The following DGKH variants were observed in gnomAD, a reference collection of about 807,000 sequenced individuals.
The protein encoded by DGKH is DAG kinase eta.
DGKH carries 90 observed loss-of-function variants against 159.3 expected under a neutral mutation model. The observed-to-expected ratio is 0.57, with a 90% CI of 0.48 to 0.67. The LOEUF (loss-of-function observed/expected upper bound fraction) is 0.67, where lower values mean the gene tolerates loss of function less well. Among genes scored for constraint, DGKH ranks in the 30% least tolerant of loss-of-function variants. The pLI is 0.00. For synonymous variants in DGKH, 536 were observed against 553.8 expected (o/e 0.97, Z 0.45); for missense variants, 1,181 against 1,506.1 (o/e 0.78, Z 3.57).
At chr13:42,208,807 AT>A (rs375455321) in intron 21 of DGKH, 151 bp from the exon 22 acceptor site, 113 of 254,390 alleles carry the variant, frequency 4.4e-4, no homozygotes, top group African/African-American at 2.4e-3. Flanking sequence ...ATCTTCAGAG[AT>A]TTTTTTCTTG....
chr13:42,119,582 C>T (rs1180949471), intron 1 of DGKH, among the ~76,000 whole-genome samples: 1 of 152,188 alleles, frequency 6.6e-6, no homozygotes, highest in African/African-American at 2.4e-5. Context: ...ACATTATCCT[C>T]TTAAAAGTTT....
rs1484412617 is a variant in DGKH at position 42,198,742 on chromosome 13, G to T, written c.2285+147G>T. 3 of 749,488 alleles carry T rather than the reference G, an allele frequency of 4.0e-6. No homozygotes were observed. The African/African-American group carries it at 5.4e-5, about 13-fold the overall frequency. 46.4% of individuals were successfully genotyped at this position (749,488 alleles called of 1,614,324 possible). On this transcript the variant is annotated intron_variant, in intron 18 of 29. Transcript: ENST00000337343. Reference sequence around the variant, plus strand: ...TCAGAAAATTACAAAAGTTGATAATGCCAAGCACATTGAGTCTTTTAAAAT... The same window carrying T: ...TCAGAAAATTACAAAAGTTGATAATTCCAAGCACATTGAGTCTTTTAAAAT...
intron 24 of DGKH, among the ~76,000 whole-genome samples, chr13:42,211,284 T>C (rs774999295): frequency 6.6e-6 from 1 of 152,208 alleles, no homozygotes; most frequent in Non-Finnish European, 1.5e-5. Flanking sequence ...ATAAGAGCTG[T>C]TTCAATAGGG....
Position 42,048,881 on chromosome 13 carries a change from G to A in DGKH, c.108G>A (p.Glu36=), listed in dbSNP as rs1880999136. The change falls in exon 1 of 30, where the codon GAG becomes GAA. Residue 36 remains glutamate, a synonymous_variant. Transcript: ENST00000337343. The surrounding 1 kb of genome is among the most constrained non-coding windows in gnomAD (Gnocchi z 6.7). ...CCGCTGCCTCGGCGGGGCCGGGAGA[G>A]GATTCGTCTGACAGCGAAGCGGAGC... ...TSAAASAGPG[E]DSSDSEAEQE... The A allele has an allele frequency of 2.2e-6, 3 of 1,374,432 alleles. No homozygotes were observed. Among genetic ancestry groups the A allele is most frequent in the Non-Finnish European group, 2.8e-6 (3 of 1,058,462 alleles). 85.1% of individuals were successfully genotyped at this position (1,374,432 alleles called of 1,614,324 possible).
rs373528675 is a variant in DGKH, at chr13:42,221,341, C to T, written c.3520C>T (p.Arg1174Cys). 5.0e-4 allele frequency: 812 copies of T among 1,613,648 alleles called. No homozygotes were observed. Among genetic ancestry groups the T allele is most frequent in the Non-Finnish European group, 6.4e-4 (757 of 1,179,722 alleles). Reference sequence around the variant, plus strand: ...GGGAGAGTACAAAGATATCTTCATCCGTCATGACATCAGAGGGGCTGAACT... The same window carrying T: ...GGGAGAGTACAAAGATATCTTCATCTGTCATGACATCAGAGGGGCTGAACT... ...NLGEYKDIFI[R>C]HDIRGAELLH... The change falls in exon 29 of 30, where the codon CGT (arginine) becomes TGT (cysteine). Residue 1174 changes from arginine (R) to cysteine (C), a missense_variant. By Grantham distance (180) the Arg-to-Cys change is radical. This residue lies in a region of DGKH where 84 missense variants were observed against 77.9 expected (regional missense o/e 1.08). Transcript: ENST00000337343.
chr13:42,121,892 A>C (rs996584206), intron 1 of DGKH, among the ~76,000 whole-genome samples: 2 of 152,198 alleles, frequency 1.3e-5, no homozygotes, highest in Non-Finnish European at 2.9e-5. Context: ...TGAAGAGTAC[A>C]CCTCACCTCC....
rs531795134 is a variant in DGKH, at chr13:42,130,225, T to C, written c.384+593T>C. ...CATTCTAGTATTACCAGACAATTTA[T>C]TTGTCCTTCTCTGTCCCACCAGTGC... On this transcript the variant is annotated intron_variant, in intron 3 of 29. Coordinates refer to ENST00000337343, the MANE Select transcript of DGKH (RefSeq NM_178009.5). Among the ~76,000 whole-genome samples the C allele has an allele frequency of 3.9e-5, 6 of 152,348 alleles. 1 individual carries two copies. The East Asian group carries it at 9.6e-4, about 24-fold the overall frequency.
At chr13:42,129,503 T>C in intron 2 of DGKH, 49 bp from the exon 3 acceptor site, 1 of 1,477,664 alleles carries the variant, frequency 6.8e-7, no homozygotes. Context: ...TGAAGAGCAT[T>C]GAGTTAGGTT....
intron 1 of DGKH, among the ~76,000 whole-genome samples, chr13:42,072,910 C>G (rs1883064795): frequency 6.6e-6 from 1 of 152,040 alleles, no homozygotes. Flanking sequence ...CCCCTTAGCA[C>G]TGATCACCAC....
At chr13:42,050,323 A>G (rs1004123676) in intron 1 of DGKH, among the ~76,000 whole-genome samples, 1 of 152,204 alleles carries the variant, frequency 6.6e-6, no homozygotes, top group Non-Finnish European at 1.5e-5. Context: ...GCGAGCAGAG[A>G]TTGTGCCACT....
At chr13:42,070,642 C>T in intron 1 of DGKH, 1 of 1,612,110 alleles carries the variant, frequency 6.2e-7, no homozygotes, top group African/African-American at 1.3e-5. Flanking sequence ...TTTGAGATCT[C>T]TGTGCAGTAC....
chr13:42,111,789 C>G (rs957175951), intron 1 of DGKH, among the ~76,000 whole-genome samples: 2 of 152,156 alleles, frequency 1.3e-5, no homozygotes, highest in Admixed American at 1.3e-4. Flanking sequence ...AATTAGGTCT[C>G]GCGGGGCAGA....
At chr13:42,175,687 C>T (rs1361319820) in intron 12 of DGKH, among the ~76,000 whole-genome samples, 1 of 152,018 alleles carries the variant, frequency 6.6e-6, no homozygotes, top group East Asian at 1.9e-4. Context: ...TGAAACTTTG[C>T]TTTTTAAAAA....
chr13:42,223,143 A>C (rs1958027861), intron 29 of DGKH, among the ~76,000 whole-genome samples: 1 of 152,204 alleles, frequency 6.6e-6, no homozygotes, highest in Non-Finnish European at 1.5e-5. Context: ...ATTTCACAGA[A>C]AGAGTCTTCT....
Position 42,154,496 on chromosome 13 carries a change from A to T in DGKH, c.385-795A>T, listed in dbSNP as rs149641945. On this transcript the variant is annotated intron_variant, in intron 3 of 29. Transcript: ENST00000337343. ...TGAAGTTTTCATTCCACTTGCTTTA[A>T]GGTCCTTAATATAATTAAGTTGCCT... Among the ~76,000 whole-genome samples the T allele has an allele frequency of 2.4e-4, 36 of 152,292 alleles. 1 individual carries two copies. In the East Asian group the frequency reaches 6.7e-3, roughly 29 times the overall value.
intron 1 of DGKH, among the ~76,000 whole-genome samples, chr13:42,123,098 T>C (rs1041900577): frequency 6.6e-6 from 1 of 152,208 alleles, no homozygotes; most frequent in Non-Finnish European, 1.5e-5. Context: ...AGGACTGTGG[T>C]CTATTTCTTA....
At chr13:42,106,937 G>A (rs1026819952) in intron 1 of DGKH, among the ~76,000 whole-genome samples, 2 of 152,110 alleles carry the variant, frequency 1.3e-5, no homozygotes, top group South Asian at 2.1e-4. Flanking sequence ...ACAGCTACTC[G>A]GAAGGTTGAG....
intron 1 of DGKH, among the ~76,000 whole-genome samples, chr13:42,058,261 C>T (rs1881901265): frequency 6.6e-6 from 1 of 152,000 alleles, no homozygotes; most frequent in African/African-American, 2.4e-5. Context: ...ATAACAAAAC[C>T]AATTTTCTTT....
intron 12 of DGKH, among the ~76,000 whole-genome samples, chr13:42,177,931 AAT>A (rs1197214050): frequency 6.6e-6 from 1 of 152,246 alleles, no homozygotes; most frequent in Non-Finnish European, 1.5e-5. Flanking sequence ...TTTCTATAAG[AAT>A]ATAAATTAAA....
Sources: allele counts gnomAD v4.1 joint callset (sites outside exome capture counted in the v4.1 genomes callset), GRCh38; gene constraint gnomAD v4.1.1; regional missense constraint gnomAD v4.1.1; non-coding constraint Gnocchi (gnomAD v3.1); transcripts MANE v1.5; gene names NCBI Gene and HGNC (gene_info 2026-07-23, HGNC 2026-07-21).